SRBD1: variants seen among roughly 807,000 people sequenced by gnomAD.
SRBD1 encodes S1 RNA binding domain 1.
In SRBD1, 88 loss-of-function variants were observed where a neutral mutation model predicts 115.3. That is an observed-to-expected ratio of 0.76 (90% CI 0.64 to 0.91). SRBD1 has a LOEUF of 0.91. SRBD1 is among the 40% of genes least tolerant of loss of function. The probability of loss-of-function intolerance (pLI) is 0.00; values close to 1 mark genes in which losing one functional copy is unlikely to be tolerated. For synonymous variants in SRBD1, 509 were observed against 407.7 expected (o/e 1.25, Z -2.99); for missense variants, 1,385 against 1,177.4 (o/e 1.18, Z -2.58).
chr2:45,493,768 G>A (rs1008228833), intron 14 of SRBD1, among the ~76,000 whole-genome samples: 6 of 150,280 alleles, frequency 4.0e-5, no homozygotes, highest in African/African-American at 7.3e-5. Context: ...CCAAGATCGC[G>A]CCACTGCACT....
At chr2:45,573,145 G>C in intron 9 of SRBD1, 62 bp downstream of exon 9, 1 of 1,486,116 alleles carries the variant, frequency 6.7e-7, no homozygotes, top group Non-Finnish European at 8.9e-7. Context: ...TAAAGTAGCA[G>C]GCAAATCCAA....
At chr2:45,548,790 TAACAAA>T (rs2104041942) in intron 12 of SRBD1, among the ~76,000 whole-genome samples, 1 of 148,222 alleles carries the variant, frequency 6.7e-6, no homozygotes, top group South Asian at 2.1e-4. Flanking sequence ...ACAACTAGGA[TAACAAA>T]AACAAAAAGT....
At chr2:45,460,508 G>T (rs985808956) in intron 16 of SRBD1, among the ~76,000 whole-genome samples, 1 of 152,100 alleles carries the variant, frequency 6.6e-6, no homozygotes, top group Non-Finnish European at 1.5e-5. Context: ...GCTGAGGAAG[G>T]CAGGGAAGAG....
intron 20 of SRBD1, among the ~76,000 whole-genome samples, chr2:45,391,506 T>C (rs934757316): frequency 3.9e-5 from 6 of 152,202 alleles, no homozygotes; most frequent in African/African-American, 1.2e-4. Context: ...CTCGAAAGTA[T>C]AGTTTGTAAG....
At chr2:45,543,471 A>G (rs1672011675) in intron 14 of SRBD1, among the ~76,000 whole-genome samples, 1 of 152,192 alleles carries the variant, frequency 6.6e-6, no homozygotes, top group Admixed American at 6.5e-5. Flanking sequence ...GTGCTGGTAG[A>G]TATGGCTGGA....
chr2:45,389,537 C>T lies in SRBD1; in HGVS notation c.2761G>A (p.Val921Ile). The T allele has an allele frequency of 6.2e-7, 1 of 1,614,068 alleles. No homozygotes were observed. Among genetic ancestry groups the T allele is most frequent in the Middle Eastern group, 1.7e-4 (1 of 6,060 alleles). ...VCLEDLQIGTVLTGKVENATL... is the reference protein window; with the variant it reads ...VCLEDLQIGTILTGKVENATL... ...GCATTCTCAACTTTGCCTGTAAGAA[C>T]TGTCCCAATCTGCAGATCTTCCAGG... Residue 921 changes from valine (V) to isoleucine (I), a missense_variant, in exon 21 of 21, where the codon GTT becomes ATT. By Grantham distance (29) the Val-to-Ile change is conservative. Transcript: ENST00000263736.
chr2:45,435,669 T>C (rs1668474167), intron 16 of SRBD1, among the ~76,000 whole-genome samples: 1 of 151,856 alleles, frequency 6.6e-6, no homozygotes, highest in South Asian at 2.1e-4. Flanking sequence ...CCAATCATAC[T>C]GAAGAGACCT....
intron 4 of SRBD1, among the ~76,000 whole-genome samples, chr2:45,592,133 T>C (rs1012624365): frequency 2.0e-5 from 3 of 152,120 alleles, no homozygotes; most frequent in Non-Finnish European, 4.4e-5. Context: ...GCTGCTGCCA[T>C]GTAAGAAGTG....
At chr2:45,393,516 G>A (rs372997614) in intron 19 of SRBD1, among the ~76,000 whole-genome samples, 26 of 152,238 alleles carry the variant, frequency 1.7e-4, no homozygotes, top group African/African-American at 6.3e-4. Flanking sequence ...GAGTAGCTGG[G>A]ACTACAGGCA....
At chr2:45,558,562 A>C (rs1015831710) in intron 10 of SRBD1, among the ~76,000 whole-genome samples, 3 of 152,238 alleles carry the variant, frequency 2.0e-5, no homozygotes, top group African/African-American at 4.8e-5. Flanking sequence ...TTGTTATGCT[A>C]ATTAACTTAT....
chr2:45,429,564 T>C (rs1363757467), intron 16 of SRBD1, among the ~76,000 whole-genome samples: 1 of 152,182 alleles, frequency 6.6e-6, no homozygotes, highest in East Asian at 1.9e-4. Flanking sequence ...TCTCAATAGA[T>C]GCAGAAAAGG....
At position 45,546,971 on chromosome 2, in the gene SRBD1, A is replaced by C. The variant is rs1672140882; in HGVS notation, c.1767-132T>G. Reference sequence around the variant, plus strand: ...TCTCATATATACAAGCAACCTGTCCACTGTTGCATAAGGAAAACACAGACT... The same window carrying C: ...TCTCATATATACAAGCAACCTGTCCCCTGTTGCATAAGGAAAACACAGACT... On this transcript the variant is annotated intron_variant, in intron 13 of 20. Transcript: ENST00000263736. 4 of 794,148 alleles carry C rather than the reference A, an allele frequency of 5.0e-6. No homozygotes were observed. The East Asian group carries it at 1.1e-4, about 21-fold the overall frequency. The allele number at this position is 794,148 out of a possible 1,614,324, so 49.2% of individuals were successfully genotyped here. A position where few individuals can be genotyped will look rare whatever the true frequency, so the allele number is the denominator to read the frequency against.
chr2:45,506,157 T>C (rs1296095954), intron 14 of SRBD1, among the ~76,000 whole-genome samples: 1 of 152,158 alleles, frequency 6.6e-6, no homozygotes, highest in East Asian at 1.9e-4. Context: ...GCCATCTGGT[T>C]AGATACATCA....
intron 16 of SRBD1, among the ~76,000 whole-genome samples, chr2:45,464,022 G>A (rs1167567628): frequency 6.6e-6 from 1 of 151,910 alleles, no homozygotes; most frequent in Non-Finnish European, 1.5e-5. Flanking sequence ...CCTAATTACT[G>A]ATTTAGTCAT....
intron 16 of SRBD1, among the ~76,000 whole-genome samples, chr2:45,441,184 G>C (rs909438609): frequency 2.0e-5 from 3 of 152,068 alleles, no homozygotes; most frequent in African/African-American, 7.3e-5. Flanking sequence ...GAGTCAGAGA[G>C]TTAATATGGA....
At chr2:45,610,024 C>T (rs62128613) in intron 1 of SRBD1, among the ~76,000 whole-genome samples, 1 of 152,178 alleles carries the variant, frequency 6.6e-6, no homozygotes, top group Non-Finnish European at 1.5e-5. Flanking sequence ...CACTCTTAGG[C>T]AATGCCACAC....
intron 14 of SRBD1, among the ~76,000 whole-genome samples, chr2:45,525,023 A>G (rs937409743): frequency 6.6e-6 from 1 of 152,034 alleles, no homozygotes; most frequent in African/African-American, 2.4e-5. Flanking sequence ...GGGTTCTAAG[A>G]TCATTCAATG....
chr2:45,459,255 T>A (rs1669242350), intron 16 of SRBD1, among the ~76,000 whole-genome samples: 2 of 152,202 alleles, frequency 1.3e-5, no homozygotes, highest in African/African-American at 4.8e-5. Context: ...AAAGTGTACT[T>A]TCCAATTCAA....
intron 14 of SRBD1, among the ~76,000 whole-genome samples, chr2:45,492,782 C>T (rs1313124726): frequency 3.3e-5 from 5 of 152,084 alleles, no homozygotes; most frequent in Non-Finnish European, 7.4e-5. Context: ...CAGTTTTCAC[C>T]TTCATTTACA....
Sources: gnomAD v4.1 joint callset for allele counts (sites outside exome capture counted in the v4.1 genomes callset) on GRCh38, gnomAD v4.1.1 for gene constraint, MANE v1.5 for transcripts, NCBI Gene and HGNC (gene_info 2026-07-23, HGNC 2026-07-21) for gene names.